AK3: variants seen among roughly 807,000 people sequenced by gnomAD.
AK3 encodes GTP:AMP phosphotransferase AK3, mitochondrial.
A neutral mutation model predicts 23.7 loss-of-function variants in AK3; 27 were observed. The ratio of observed to expected loss-of-function variants is 1.14; its 90% CI spans 0.84 to 1.57. AK3 has a LOEUF of 1.57. Ranked by LOEUF, AK3 falls within the 40% of genes most tolerant of loss-of-function variation. AK3 has a pLI of 0.00. For synonymous variants in AK3, 159 were observed against 116.0 expected, an observed-to-expected ratio of 1.37 and a Z score of -2.38; for missense variants, 406 against 285.6, an observed-to-expected ratio of 1.42 and a Z score of -3.04.
intron 4 of AK3, among the ~76,000 whole-genome samples, chr9:4,715,228 A>AAG (rs1190819659): frequency 2.6e-5 from 4 of 150,992 alleles, no homozygotes; most frequent in African/African-American, 9.7e-5. Context: ...AAAAAAAAAA[A>AAG]AAAAAAAAGA....
rs375444009 is a variant in AK3, at chr9:4,734,039, T to C, written c.151+6898A>G. On this transcript the variant is annotated intron_variant, in intron 1 of 4. Coordinates refer to ENST00000381809, the MANE Select transcript of AK3 (RefSeq NM_016282.4). ...TGGAAGTATGTCTCCCCTAAATCTGTATGTTGGAACCTAACCCCCAGGGTG... is the reference window on the plus strand; with the variant it reads ...TGGAAGTATGTCTCCCCTAAATCTGCATGTTGGAACCTAACCCCCAGGGTG... Among the ~76,000 whole-genome samples, 3 of 152,270 alleles carry C rather than the reference T, an allele frequency of 2.0e-5. No individual in the cohort carries two copies. In the East Asian group the frequency reaches 5.8e-4, roughly 29 times the overall value.
intron 1 of AK3, among the ~76,000 whole-genome samples, chr9:4,735,092 A>C (rs923210511): frequency 7.9e-5 from 12 of 151,290 alleles, no homozygotes; most frequent in Admixed American, 6.6e-4. Flanking sequence ...TATTAAAGAA[A>C]AAATATTAAT....
chr9:4,724,760 C>A, intron 1 of AK3, among the ~76,000 whole-genome samples: 1 of 140,986 alleles, frequency 7.1e-6, no homozygotes, highest in Non-Finnish European at 1.5e-5. Flanking sequence ...GCCTGGGCAA[C>A]GGAGTGAGAC....
chr9:4,736,663 G>A (rs1842300808), intron 1 of AK3, among the ~76,000 whole-genome samples: 1 of 151,872 alleles, frequency 6.6e-6, no homozygotes, highest in Admixed American at 6.6e-5. Context: ...CATAAGGGTT[G>A]GCCGTCTAGT....
At position 4,712,068 on chromosome 9, in the gene AK3, T is replaced by C. The variant is rs1485630045; in HGVS notation, c.*908A>G. On this transcript the variant is annotated 3_prime_UTR_variant, in exon 5 of 5. Transcript: ENST00000381809. ...GGTTTCTCTTTTTTCTTCTCTTTTT[T>C]ATTGGCGGGGGAGATGGTACTATAA... 6.6e-6 allele frequency: 1 copy of C among 152,166 alleles called. No homozygotes were observed. The highest frequency in any genetic ancestry group is 1.5e-5 in the Non-Finnish European group (1 of 68,028). 9.4% of individuals were successfully genotyped at this position (152,166 alleles called of 1,614,324 possible). A position where few individuals can be genotyped will look rare whatever the true frequency, so the allele number is the denominator to read the frequency against.
chr9:4,720,429 A>G (rs1841864619), intron 2 of AK3, among the ~76,000 whole-genome samples: 1 of 152,244 alleles, frequency 6.6e-6, no homozygotes, highest in Non-Finnish European at 1.5e-5. Context: ...CACACCTGTA[A>G]TCTCAGCACT....
At chr9:4,736,382 T>A (rs1842293882) in intron 1 of AK3, among the ~76,000 whole-genome samples, 1 of 151,080 alleles carries the variant, frequency 6.6e-6, no homozygotes, top group Non-Finnish European at 1.5e-5. Context: ...TTTGATTGTA[T>A]AAGCATAAAA....
intron 1 of AK3, among the ~76,000 whole-genome samples, chr9:4,725,588 G>T (rs917001617): frequency 6.6e-6 from 1 of 151,954 alleles, no homozygotes; most frequent in Non-Finnish European, 1.5e-5. Flanking sequence ...GGCCAACATG[G>T]TGAAACCCCA....
rs1290671880 is a variant in AK3, at chr9:4,713,113, A to G, written c.564-17T>C. The stretch of plus-strand genomic sequence containing the variant: ...CCTTTTTTCCTAAAGATGAAACAAA[A>G]ACAAAACAAACACACACAGGTCTGA... On this transcript the variant is annotated splice_polypyrimidine_tract_variant and intron_variant, in intron 4 of 4. Coordinates refer to ENST00000381809, the MANE Select transcript of AK3 (RefSeq NM_016282.4). 7.4e-6 allele frequency: 12 copies of G among 1,612,530 alleles called. No homozygotes were observed. The highest frequency in any genetic ancestry group is 1.0e-5 in the Non-Finnish European group (12 of 1,179,216).
At chr9:4,739,780 A>G (rs995400685) in intron 1 of AK3, among the ~76,000 whole-genome samples, 1 of 152,022 alleles carries the variant, frequency 6.6e-6, no homozygotes, top group Non-Finnish European at 1.5e-5. Context: ...AAATACAAAA[A>G]ATTAGCCCGG....
intron 4 of AK3, among the ~76,000 whole-genome samples, chr9:4,715,473 C>A (rs953817217): frequency 2.7e-5 from 4 of 149,842 alleles, no homozygotes; most frequent in Non-Finnish European, 1.5e-5. Flanking sequence ...TAGATCACTG[C>A]AGTCTTGACC....
intron 4 of AK3, 91 bp from the exon 5 acceptor site, chr9:4,713,187 T>C: frequency 6.7e-7 from 1 of 1,495,800 alleles, no homozygotes; most frequent in Non-Finnish European, 9.0e-7. Flanking sequence ...AATGATATTG[T>C]AGATATAGGA....
intron 1 of AK3, among the ~76,000 whole-genome samples, chr9:4,739,895 C>G (rs1373348945): frequency 6.6e-6 from 1 of 151,784 alleles, no homozygotes; most frequent in Non-Finnish European, 1.5e-5. Context: ...AAAAAACAAA[C>G]AAACCAAAAA....
intron 4 of AK3, among the ~76,000 whole-genome samples, chr9:4,714,167 TCCACACATACGCCTCCACATAC>T (rs1841653986): frequency 4.0e-5 from 1 of 24,942 alleles, no homozygotes; most frequent in African/African-American, 1.2e-4. Context: ...TACACACACC[TCCACACATACGCCTCCACATAC>T]ACACACCTCC....
chr9:4,719,822 T>G (rs1030920604), intron 2 of AK3, among the ~76,000 whole-genome samples: 1 of 152,126 alleles, frequency 6.6e-6, no homozygotes, highest in African/African-American at 2.4e-5. Context: ...TCCCAGCATT[T>G]TGGGAGGCTG....
chr9:4,734,357 G>A (rs1842221678), intron 1 of AK3, among the ~76,000 whole-genome samples: 1 of 152,206 alleles, frequency 6.6e-6, no homozygotes, highest in African/African-American at 2.4e-5. Flanking sequence ...ACGGCAGCCT[G>A]AGCTGACTAA....
rs1467148523 is a variant in AK3 at position 4,712,968 on chromosome 9, A to ATT, written c.*6_*7dup. On this transcript the variant is annotated 3_prime_UTR_variant, in exon 5 of 5. Transcript: ENST00000381809. ...CATCTTACTATTAATAGTTACACACATTTCTCCTCATGGAGTAACTGAAGC... is the reference window on the plus strand; with the variant it reads ...CATCTTACTATTAATAGTTACACACATTTTTCTCCTCATGGAGTAACTGAAGC... The ATT allele has an allele frequency of 2.5e-6, 4 of 1,612,376 alleles. No homozygotes were observed. In the Admixed American group the frequency reaches 6.7e-5, roughly 27 times the overall value.
chr9:4,739,041 G>A (rs981262164), intron 1 of AK3, among the ~76,000 whole-genome samples: 21 of 152,118 alleles, frequency 1.4e-4, no homozygotes, highest in African/African-American at 4.1e-4. Flanking sequence ...CCAAAGTGCT[G>A]GGATTACAAG....
Position 4,727,839 on chromosome 9 carries a change from T to C in AK3, c.152-5214A>G, listed in dbSNP as rs555521424. On this transcript the variant is annotated intron_variant, in intron 1 of 4. Coordinates refer to ENST00000381809, the MANE Select transcript of AK3 (RefSeq NM_016282.4). ...TTAAAGTGAGAGATGTGCCACTCTC[T>C]TCCTTTAACTTGAACACTTAGAGGC... Among the ~76,000 whole-genome samples the C allele has an allele frequency of 2.0e-5, 3 of 152,318 alleles. No individual in the cohort carries two copies. In the South Asian group the frequency reaches 6.2e-4, roughly 32 times the overall value.
Sources: allele counts gnomAD v4.1 joint callset (sites outside exome capture counted in the v4.1 genomes callset), GRCh38; gene constraint gnomAD v4.1.1; transcripts MANE v1.5; gene names NCBI Gene and HGNC (gene_info 2026-07-23, HGNC 2026-07-21).